Variants in CATSPERE observed in about 807,000 individuals in gnomAD.
CATSPERE encodes cation channel sperm-associated auxiliary subunit epsilon.
Under a neutral mutation model 114.1 loss-of-function variants are expected in CATSPERE, and 93 were observed. The observed-to-expected ratio is 0.81, with a 90% CI of 0.69 to 0.97. The LOEUF is 0.97. Ranked by LOEUF, CATSPERE falls within the 50% of genes least tolerant of loss-of-function variation. The pLI is 0.00. For synonymous variants in CATSPERE, 341 were observed against 384.1 expected, an observed-to-expected ratio of 0.89 and a Z score of 1.31; for missense variants, 1,058 against 1,131.6, an observed-to-expected ratio of 0.93 and a Z score of 0.93.
chr1:244,486,550 G>A (rs546276673), intron 5 of CATSPERE, among the ~76,000 whole-genome samples: 1,151 of 130,906 alleles, frequency 8.8e-3, no homozygotes, highest in Non-Finnish European at 0.012. Flanking sequence ...AGCATGTGGA[G>A]TACTCGTGGG....
intron 9 of CATSPERE, among the ~76,000 whole-genome samples, chr1:244,556,564 G>A (rs1661606991): frequency 6.6e-6 from 1 of 151,938 alleles, no homozygotes; most frequent in Non-Finnish European, 1.5e-5. Context: ...GTAAAACACT[G>A]GAAGAAGTTA....
At chr1:244,502,147 T>G (rs1448115192) in intron 7 of CATSPERE, among the ~76,000 whole-genome samples, 1 of 152,184 alleles carries the variant, frequency 6.6e-6, no homozygotes, top group African/African-American at 2.4e-5. Context: ...TGATCAATCA[T>G]CCACAATGAT....
At chr1:244,452,748 T>C (rs1393149518), upstream of CATSPERE, among the ~76,000 whole-genome samples, 1 of 152,242 alleles carries the variant, frequency 6.6e-6, no homozygotes, top group African/African-American at 2.4e-5. Flanking sequence ...CTTGCCCTAG[T>C]GAGGCTTGAA....
intron 9 of CATSPERE, among the ~76,000 whole-genome samples, chr1:244,558,845 C>G (rs886604066): frequency 6.6e-6 from 1 of 152,176 alleles, no homozygotes; most frequent in Admixed American, 6.5e-5. Context: ...CTGCTTTACA[C>G]TCTGGGTAGA....
chr1:244,602,190 G>A (rs1413270797), intron 17 of CATSPERE, among the ~76,000 whole-genome samples: 2 of 152,214 alleles, frequency 1.3e-5, no homozygotes, highest in Admixed American at 1.3e-4. Flanking sequence ...GGAATCACTT[G>A]ATAAAACCTT....
At chr1:244,556,226 G>A (rs1166804691) in intron 9 of CATSPERE, among the ~76,000 whole-genome samples, 1 of 151,674 alleles carries the variant, frequency 6.6e-6, no homozygotes, top group Non-Finnish European at 1.5e-5. Context: ...AAATTTAAGT[G>A]GATGTATTGT....
At chr1:244,513,673 A>G (rs1032715873) in intron 7 of CATSPERE, among the ~76,000 whole-genome samples, 1 of 152,160 alleles carries the variant, frequency 6.6e-6, no homozygotes, top group African/African-American at 2.4e-5. Flanking sequence ...CCCAGATAGC[A>G]TGCTGGGGCA....
intron 17 of CATSPERE, among the ~76,000 whole-genome samples, chr1:244,594,031 A>G (rs913899962): frequency 2.6e-5 from 4 of 152,230 alleles, no homozygotes; most frequent in Non-Finnish European, 5.9e-5. Flanking sequence ...TCTTATAGAC[A>G]ATATTTCAGC....
chr1:244,468,371 C>T lies in CATSPERE; in HGVS notation c.114+4415C>T, dbSNP rs532595054. On this transcript the variant is annotated intron_variant, in intron 2 of 21. Coordinates refer to ENST00000366534, the MANE Select transcript of CATSPERE (RefSeq NM_001130957.2). ...CCTCCCAAAGTGCTGGGATTACAGG[C>T]GTGAACCACCACACCCAGCCTTATT... 3.9e-5 allele frequency among the ~76,000 whole-genome samples: 6 copies of T among 152,198 alleles called. No homozygotes were observed. In the East Asian group the frequency reaches 7.7e-4, roughly 20 times the overall value.
At chr1:244,538,022 G>A (rs1245324789) in intron 8 of CATSPERE, among the ~76,000 whole-genome samples, 2 of 152,138 alleles carry the variant, frequency 1.3e-5, no homozygotes, top group Non-Finnish European at 2.9e-5. Context: ...GGCAAAACTA[G>A]TTGTAAAAAT....
intron 5 of CATSPERE, among the ~76,000 whole-genome samples, chr1:244,485,710 T>G (rs573719419): frequency 3.3e-5 from 5 of 151,766 alleles, no homozygotes. Context: ...TTGTTTTTTT[T>G]TTTTTGAGAT....
At chr1:244,584,555 G>A (rs6689018) in intron 13 of CATSPERE, among the ~76,000 whole-genome samples, 2 of 151,500 alleles carry the variant, frequency 1.3e-5, no homozygotes, top group African/African-American at 4.9e-5. Context: ...TTATATTATA[G>A]TATTGTGAAA....
Position 244,552,815 on chromosome 1 carries a change from G to A in CATSPERE, c.1029+1G>A. 1 of 1,392,534 alleles carries A rather than the reference G, an allele frequency of 7.2e-7. No individual in the cohort carries two copies. The highest frequency in any genetic ancestry group is 9.6e-7 in the Non-Finnish European group (1 of 1,046,782). The allele number at this position is 1,392,534 out of a possible 1,614,324, so 86.3% of individuals were successfully genotyped here. A position where few individuals can be genotyped will look rare whatever the true frequency, so the allele number is the denominator to read the frequency against. On this transcript the variant is annotated splice_donor_variant, in intron 9 of 21. Coordinates refer to ENST00000366534, the MANE Select transcript of CATSPERE (RefSeq NM_001130957.2). LOFTEE classifies it high-confidence loss of function. ...GTGTTGGGTCAATTATTTATTAAAG[G>A]TTAGTAAAAGATATTTTATATTTTA...
intron 6 of CATSPERE, among the ~76,000 whole-genome samples, chr1:244,497,010 G>A (rs1471064583): frequency 1.3e-5 from 2 of 152,162 alleles, no homozygotes. Context: ...ATTTAGATAA[G>A]TGGGTAGTCA....
In CATSPERE at chr1:244,601,472, T is replaced by C. The variant is rs531819146; in HGVS notation, c.2304-4223T>C. Among the ~76,000 whole-genome samples the C allele has an allele frequency of 4.6e-5, 7 of 151,902 alleles. 1 individual carries two copies. The South Asian group carries it at 1.5e-3, about 32-fold the overall frequency. The stretch of plus-strand genomic sequence containing the variant: ...ACCTCAGAATGAAGCCATAAAACAG[T>C]AAAGAAAAAGGGAAAATCACATACG... On this transcript the variant is annotated intron_variant, in intron 17 of 21. Transcript: ENST00000366534.
intron 19 of CATSPERE, among the ~76,000 whole-genome samples, chr1:244,611,888 T>C (rs1670781077): frequency 6.6e-6 from 1 of 152,202 alleles, no homozygotes. Context: ...ACAATGGTTC[T>C]CAAACTTTAG....
chr1:244,623,648 C>T (rs550015611), intron 20 of CATSPERE, among the ~76,000 whole-genome samples: 6 of 152,174 alleles, frequency 3.9e-5, no homozygotes, highest in East Asian at 1.9e-4. Context: ...CAAATACAGG[C>T]GCACCCCAGA....
intron 8 of CATSPERE, among the ~76,000 whole-genome samples, chr1:244,528,785 C>CCACGCACGCACACACA (rs1553342506): frequency 2.3e-5 from 3 of 130,584 alleles, no homozygotes; most frequent in African/African-American, 8.8e-5. Flanking sequence ...CAATCCCCCA[C>CCACGCACGCACACACA]CACACACACA....
In CATSPERE at chr1:244,482,302, CA is replaced by C. The variant is rs1340039026; in HGVS notation, c.326+2524del. 7.2e-5 allele frequency among the ~76,000 whole-genome samples: 11 copies of C among 151,868 alleles called. No homozygotes were observed. In the East Asian group the frequency reaches 2.1e-3, roughly 30 times the overall value. ...GGAAACATAGCAAGACTTGTCTCTA[CA>C]AAAAATATAAAAAATTTGCCAGGCA... is the stretch of plus-strand genomic sequence containing the variant. On this transcript the variant is annotated intron_variant, in intron 5 of 21. Coordinates refer to ENST00000366534, the MANE Select transcript of CATSPERE (RefSeq NM_001130957.2).
Sources: allele counts gnomAD v4.1 joint callset (sites outside exome capture counted in the v4.1 genomes callset), GRCh38; gene constraint gnomAD v4.1.1; transcripts MANE v1.5; gene names NCBI Gene and HGNC (gene_info 2026-07-23, HGNC 2026-07-21).